The following SGCD variants were observed in gnomAD, a reference collection of about 807,000 sequenced individuals.
SGCD encodes sarcoglycan delta, also known as delta-sarcoglycan.
A neutral mutation model predicts 36.6 loss-of-function variants in SGCD; 18 were observed. The observed-to-expected ratio is 0.49, with a 90% CI of 0.34 to 0.73. The LOEUF (loss-of-function observed/expected upper bound fraction) is 0.73, where lower values mean the gene tolerates loss of function less well. SGCD is among the 30% of genes least tolerant of loss of function. SGCD has a pLI of 0.01. For synonymous variants in SGCD, 133 were observed against 130.6 expected (o/e 1.02, Z -0.12); for missense variants, 387 against 346.7 (o/e 1.12, Z -0.92).
chr5:156,015,627 A>G (rs1758955975), intron 1 of SGCD, among the ~76,000 whole-genome samples: 1 of 151,660 alleles, frequency 6.6e-6, no homozygotes, highest in Admixed American at 6.6e-5. Flanking sequence ...GTGTATATAT[A>G]TGTATATGTA....
At chr5:156,709,425 G>A (rs1754886820) in intron 7 of SGCD, among the ~76,000 whole-genome samples, 1 of 152,180 alleles carries the variant, frequency 6.6e-6, no homozygotes, top group Admixed American at 6.5e-5. Context: ...CTACATGCAA[G>A]TGAAGTACTT....
chr5:156,195,391 C>T (rs1438996432), intron 3 of SGCD, among the ~76,000 whole-genome samples: 1 of 151,952 alleles, frequency 6.6e-6, no homozygotes, highest in Non-Finnish European at 1.5e-5. Context: ...TCAAATATAC[C>T]ACAGGTTTTC....
intron 1 of SGCD, among the ~76,000 whole-genome samples, chr5:155,888,040 T>C (rs79576243): frequency 0.19 from 29,172 of 152,110 alleles, 3,654 homozygotes; most frequent in Admixed American, 0.42. Flanking sequence ...TACATTCAGG[T>C]TCATCCAACT....
At chr5:156,598,602 G>GGGAAAAAGT (rs1435519222) in intron 6 of SGCD, among the ~76,000 whole-genome samples, 1 of 151,676 alleles carries the variant, frequency 6.6e-6, no homozygotes, top group East Asian at 1.9e-4. Flanking sequence ...AAATGCCTAG[G>GGGAAAAAGT]GGAAAAAGTG....
intron 1 of SGCD, among the ~76,000 whole-genome samples, chr5:155,886,788 T>TA (rs1208941270): frequency 6.6e-6 from 1 of 152,188 alleles, no homozygotes; most frequent in African/African-American, 2.4e-5. Flanking sequence ...CAGCTTTCAG[T>TA]GAGTGCTCTG....
intron 3 of SGCD, among the ~76,000 whole-genome samples, chr5:156,160,435 A>G (rs1426289576): frequency 6.6e-6 from 1 of 151,654 alleles, no homozygotes; most frequent in Non-Finnish European, 1.5e-5. Context: ...ACAAAATCAC[A>G]TTTATTTAAA....
chr5:155,923,233 T>C (rs1443179686), intron 1 of SGCD, among the ~76,000 whole-genome samples: 1 of 149,904 alleles, frequency 6.7e-6, no homozygotes, highest in Non-Finnish European at 1.5e-5. Context: ...GAATAATACA[T>C]GAATAAACTA....
intron 3 of SGCD, among the ~76,000 whole-genome samples, chr5:156,457,799 T>G (rs1754323888): frequency 6.6e-6 from 1 of 152,224 alleles, no homozygotes; most frequent in African/African-American, 2.4e-5. Context: ...GTTTGAGAGC[T>G]TGGGAATTCT....
intron 7 of SGCD, among the ~76,000 whole-genome samples, chr5:156,705,142 C>T (rs1325675115): frequency 1.3e-5 from 2 of 151,986 alleles, no homozygotes; most frequent in African/African-American, 4.8e-5. Flanking sequence ...TTATAGGTAT[C>T]CTTAATATAA....
intron 1 of SGCD, among the ~76,000 whole-genome samples, chr5:155,936,570 T>C (rs940395353): frequency 6.6e-6 from 1 of 152,144 alleles, no homozygotes; most frequent in Non-Finnish European, 1.5e-5. Flanking sequence ...GAATTTTCAT[T>C]TTTATAGGCT....
At chr5:156,006,342 C>A (rs1241000793) in intron 1 of SGCD, among the ~76,000 whole-genome samples, 2 of 152,114 alleles carry the variant, frequency 1.3e-5, no homozygotes, top group Non-Finnish European at 2.9e-5. Flanking sequence ...TGACAAATCT[C>A]TTTGATTATT....
rs911522098 is a variant in SGCD, at chr5:156,265,715, C to G, written c.-43-63819C>G. ...ATATTCTCAAAGAGGATATAGTGAT[C>G]TTTCCATGTGGGCCCCATAATTTAT... On this transcript the variant is annotated intron_variant, in intron 3 of 9. Coordinates refer to the SGCD transcript ENST00000517913. Among the ~76,000 whole-genome samples the G allele has an allele frequency of 3.3e-5, 5 of 151,838 alleles. No homozygotes were observed. In the East Asian group the frequency reaches 7.7e-4, roughly 24 times the overall value.
At chr5:156,621,127 G>A (rs1762229823) in intron 6 of SGCD, among the ~76,000 whole-genome samples, 1 of 152,180 alleles carries the variant, frequency 6.6e-6, no homozygotes. Flanking sequence ...GCCAGCTGCT[G>A]TGTTGACCAA....
At chr5:156,329,145 G>A (rs1043167933) in intron 1 of SGCD, among the ~76,000 whole-genome samples, 3 of 152,172 alleles carry the variant, frequency 2.0e-5, no homozygotes, top group African/African-American at 7.2e-5. Flanking sequence ...GAAAAAGTAA[G>A]CAGCGGAAGG....
intron 7 of SGCD, among the ~76,000 whole-genome samples, chr5:156,695,900 G>T (rs1472320811): frequency 1.3e-5 from 2 of 152,218 alleles, no homozygotes; most frequent in Non-Finnish European, 2.9e-5. Flanking sequence ...TGTCTGGTTT[G>T]TGTTCATCAG....
the SGCD span, among the ~76,000 whole-genome samples, chr5:155,809,925 C>T: frequency 1.4e-4 from 21 of 152,112 alleles, no homozygotes; most frequent in Admixed American, 1.4e-3. Flanking sequence ...AGTCAGTGGC[C>T]TCAGTTGTCT....
intron 4 of SGCD, among the ~76,000 whole-genome samples, chr5:156,524,072 G>T (rs1483436492): frequency 3.6e-5 from 4 of 111,270 alleles, no homozygotes; most frequent in Non-Finnish European, 7.0e-5. Context: ...AGAACCTATG[G>T]ATGATGATAA....
chr5:156,241,251 C>CGTGTGTGT (rs60843726), intron 3 of SGCD, among the ~76,000 whole-genome samples: 2,258 of 145,128 alleles, frequency 0.016, 55 homozygotes, highest in African/African-American at 0.043. Context: ...TAGACCAAAA[C>CGTGTGTGT]GTGTGTGTGT....
At chr5:156,370,175 AC>A (rs1411993517) in intron 3 of SGCD, among the ~76,000 whole-genome samples, 2 of 152,304 alleles carry the variant, frequency 1.3e-5, no homozygotes, top group East Asian at 3.9e-4. Flanking sequence ...TTTATTACGC[AC>A]AGGCTCAGAA....
Sources: gnomAD v4.1 joint callset for allele counts (sites outside exome capture counted in the v4.1 genomes callset) on GRCh38, gnomAD v4.1.1 for gene constraint, MANE v1.5 for transcripts, NCBI Gene and HGNC (gene_info 2026-07-23, HGNC 2026-07-21) for gene names.